The following NEGR1 variants were observed in gnomAD, a reference collection of about 807,000 sequenced individuals.
The protein encoded by NEGR1 is IgLON family member 4.
A neutral mutation model predicts 40.9 loss-of-function variants in NEGR1; 10 were observed. That is an observed-to-expected ratio of 0.24 (90% CI 0.15 to 0.42). The LOEUF is 0.42. Among genes scored for constraint, NEGR1 ranks in the 10% least tolerant of loss-of-function variants. NEGR1 has a pLI of 1.00. For synonymous variants in NEGR1, 185 were observed against 166.8 expected (o/e 1.11, Z -0.84); for missense variants, 352 against 438.9 (o/e 0.80, Z 1.77).
At chr1:71,965,975 AATTAT>A (rs1646206580) in intron 1 of NEGR1, among the ~76,000 whole-genome samples, 1 of 152,158 alleles carries the variant, frequency 6.6e-6, no homozygotes, top group African/African-American at 2.4e-5. Context: ...AAATAGGAAA[AATTAT>A]ATTATTGCAT....
intron 1 of NEGR1, among the ~76,000 whole-genome samples, chr1:72,081,499 C>G (rs938679907): frequency 3.9e-5 from 6 of 152,024 alleles, no homozygotes; most frequent in South Asian, 2.1e-4. Flanking sequence ...TTGCACTTGC[C>G]ACATTTTAAA....
intron 4 of NEGR1, among the ~76,000 whole-genome samples, chr1:71,636,042 A>C (rs183994066): frequency 6.6e-6 from 1 of 152,220 alleles, no homozygotes; most frequent in East Asian, 1.9e-4. Flanking sequence ...TCTCATATAC[A>C]TATAATTATC....
intron 6 of NEGR1, among the ~76,000 whole-genome samples, chr1:71,436,411 G>C (rs925759228): frequency 6.6e-6 from 1 of 152,158 alleles, no homozygotes; most frequent in Non-Finnish European, 1.5e-5. Flanking sequence ...AAAACAAATT[G>C]ACACTAGACA....
At chr1:71,580,013 C>T (rs549208880) in intron 6 of NEGR1, among the ~76,000 whole-genome samples, 8 of 152,192 alleles carry the variant, frequency 5.3e-5, no homozygotes, top group African/African-American at 1.7e-4. Context: ...CACACGTATG[C>T]TCATTGCGGC....
intron 1 of NEGR1, among the ~76,000 whole-genome samples, chr1:72,240,596 G>A (rs1485897238): frequency 1.3e-5 from 2 of 151,838 alleles, no homozygotes; most frequent in African/African-American, 2.4e-5. Context: ...CTACCAAGAG[G>A]TGGAAGTGGC....
At chr1:72,232,931 A>G (rs891687702) in intron 1 of NEGR1, among the ~76,000 whole-genome samples, 2 of 152,194 alleles carry the variant, frequency 1.3e-5, no homozygotes, top group African/African-American at 4.8e-5. Flanking sequence ...AAACGGAAAG[A>G]TGTACACAGT....
chr1:71,995,770 T>G (rs927621692), intron 1 of NEGR1, among the ~76,000 whole-genome samples: 2 of 152,204 alleles, frequency 1.3e-5, no homozygotes, highest in South Asian at 4.1e-4. Flanking sequence ...AATCAACATT[T>G]TCTTTCTCTG....
intron 1 of NEGR1, among the ~76,000 whole-genome samples, chr1:72,046,209 G>A (rs1171550697): frequency 5.3e-5 from 8 of 151,602 alleles, no homozygotes; most frequent in African/African-American, 1.9e-4. Flanking sequence ...GCAAAAAAAG[G>A]TAAAGTTTGA....
intron 3 of NEGR1, among the ~76,000 whole-genome samples, chr1:71,708,919 T>A (rs1020582143): frequency 2.0e-5 from 3 of 152,316 alleles, no homozygotes; most frequent in East Asian, 3.9e-4. Flanking sequence ...AAGGACAAGA[T>A]CTTATTCCTT....
At chr1:71,817,509 T>A (rs2101771215) in intron 2 of NEGR1, among the ~76,000 whole-genome samples, 1 of 152,172 alleles carries the variant, frequency 6.6e-6, no homozygotes, top group African/African-American at 2.4e-5. Context: ...AAACCCAGCA[T>A]CTGCTTCCAG....
Position 71,581,857 on chromosome 1 carries a change from C to A in NEGR1, c.940+10960G>T, listed in dbSNP as rs369875079. Among the ~76,000 whole-genome samples, 19 of 152,064 alleles carry A rather than the reference C, an allele frequency of 1.2e-4. No homozygotes were observed. The East Asian group carries it at 2.7e-3, about 22-fold the overall frequency. ...AGCTGGGATGACAGGTGTAGACAAC[C>A]ACATTCAGTTAATTTTGTGTATTTT... is the stretch of plus-strand genomic sequence containing the variant. On this transcript the variant is annotated intron_variant, in intron 6 of 6. Transcript: ENST00000357731.
At chr1:71,901,757 G>T (rs569448459) in intron 2 of NEGR1, among the ~76,000 whole-genome samples, 1 of 143,918 alleles carries the variant, frequency 6.9e-6, no homozygotes, top group Non-Finnish European at 1.5e-5. Context: ...TGCAACCTCT[G>T]CCTCCCGGGT....
intron 1 of NEGR1, among the ~76,000 whole-genome samples, chr1:72,185,730 A>C (rs1652588481): frequency 6.6e-6 from 1 of 151,894 alleles, no homozygotes; most frequent in African/African-American, 2.4e-5. Flanking sequence ...TGTCTTGTGG[A>C]AATTGTTCTC....
chr1:72,138,421 G>C (rs567973241), intron 1 of NEGR1, among the ~76,000 whole-genome samples: 64 of 151,952 alleles, frequency 4.2e-4, no homozygotes, highest in African/African-American at 1.5e-3. Context: ...TTGATTCAGA[G>C]GCAAAGATTG....
At chr1:71,959,641 A>C (rs1041036017) in intron 1 of NEGR1, among the ~76,000 whole-genome samples, 2 of 152,130 alleles carry the variant, frequency 1.3e-5, no homozygotes, top group Non-Finnish European at 2.9e-5. Flanking sequence ...CAATTTCATC[A>C]TCCTCTTTAA....
rs1646278294 is a variant in NEGR1, at chr1:71,406,408, T to A, written c.*1038A>T. The A allele has an allele frequency of 6.6e-6, 1 of 151,844 alleles. No homozygotes were observed. Among genetic ancestry groups the A allele is most frequent in the Admixed American group, 6.6e-5 (1 of 15,202 alleles). The allele number at this position is 151,844 out of a possible 1,614,324, so 9.4% of individuals were successfully genotyped here. ...TGAGCGCTTACCAACTCTTGTAATA[T>A]TAGGTGATAGGACTTTGTGCCCTTT... On this transcript the variant is annotated 3_prime_UTR_variant, in exon 7 of 7. Transcript: ENST00000357731.
chr1:71,542,579 C>A (rs929853087), intron 6 of NEGR1, among the ~76,000 whole-genome samples: 1 of 151,664 alleles, frequency 6.6e-6, no homozygotes, highest in African/African-American at 2.4e-5. Flanking sequence ...CAGTGATATG[C>A]CCAAATCATA....
chr1:71,785,154 A>C (rs997832157), intron 2 of NEGR1, among the ~76,000 whole-genome samples: 4 of 152,186 alleles, frequency 2.6e-5, no homozygotes, highest in African/African-American at 9.7e-5. Context: ...ACTGCTTAAA[A>C]TCAGGACCTT....
At chr1:71,577,445 T>A (rs1046499717) in intron 6 of NEGR1, among the ~76,000 whole-genome samples, 1 of 152,166 alleles carries the variant, frequency 6.6e-6, no homozygotes, top group Non-Finnish European at 1.5e-5. Context: ...GCCAAGCCAC[T>A]CTGAAGTGAG....
Sources: allele counts gnomAD v4.1 joint callset (sites outside exome capture counted in the v4.1 genomes callset), GRCh38; gene constraint gnomAD v4.1.1; transcripts MANE v1.5; gene names NCBI Gene and HGNC (gene_info 2026-07-23, HGNC 2026-07-21).